CSRNP3: variants seen among roughly 807,000 people sequenced by gnomAD.
CSRNP3 encodes the protein cysteine and serine rich nuclear protein 3, also known as cysteine/serine-rich nuclear protein 3.
In CSRNP3, 12 loss-of-function variants were observed where a neutral mutation model predicts 48.0. The ratio of observed to expected loss-of-function variants is 0.25; its 90% CI spans 0.16 to 0.41. The LOEUF (loss-of-function observed/expected upper bound fraction) is 0.41, where lower values mean the gene tolerates loss of function less well. Ranked by LOEUF, CSRNP3 falls within the 10% of genes least tolerant of loss-of-function variation. The pLI, the probability that CSRNP3 is intolerant of heterozygous loss-of-function variation, is 1.00. For missense variants in CSRNP3, 580 were observed against 724.4 expected (o/e 0.80, Z 2.29); for synonymous variants, 263 against 269.7 (o/e 0.98, Z 0.24).
chr2:165,667,793 C>T (rs945231842), intron 5 of CSRNP3, among the ~76,000 whole-genome samples: 2 of 152,186 alleles, frequency 1.3e-5, no homozygotes, highest in Non-Finnish European at 1.5e-5. Context: ...CACCCCACCA[C>T]TTCAATAACT....
intron 3 of CSRNP3, among the ~76,000 whole-genome samples, chr2:165,541,926 T>C (rs971703708): frequency 2.0e-5 from 3 of 152,122 alleles, no homozygotes; most frequent in Non-Finnish European, 4.4e-5. Flanking sequence ...TAAGATCACA[T>C]AGGTAGAGAC....
rs994388661 is a variant in CSRNP3, at chr2:165,685,186, C to T, written c.*5433C>T. The T allele has an allele frequency of 3.9e-5, 6 of 151,978 alleles. No homozygotes were observed. Among genetic ancestry groups the T allele is most frequent in the African/African-American group, 1.4e-4 (6 of 41,392 alleles). The allele number at this position is 151,978 out of a possible 1,614,324, so 9.4% of individuals were successfully genotyped here. ...AAAAAGCTCTTCTTTCACATTTTACCTACCAAATCTAGATATTCAACGTGA... is the reference window on the plus strand; with the variant it reads ...AAAAAGCTCTTCTTTCACATTTTACTTACCAAATCTAGATATTCAACGTGA... On this transcript the variant is annotated 3_prime_UTR_variant, in exon 7 of 7. Coordinates refer to ENST00000651982, the MANE Select transcript of CSRNP3 (RefSeq NM_001172173.2).
intron 5 of CSRNP3, among the ~76,000 whole-genome samples, chr2:165,659,431 G>T (rs952348916): frequency 2.6e-5 from 4 of 152,168 alleles, no homozygotes; most frequent in African/African-American, 9.7e-5. Flanking sequence ...ATACTGTTTT[G>T]CTATGACAAG....
chr2:165,532,598 A>G (rs1684828636), intron 3 of CSRNP3, among the ~76,000 whole-genome samples: 1 of 151,432 alleles, frequency 6.6e-6, no homozygotes, highest in Non-Finnish European at 1.5e-5. Context: ...CCCACAGCCA[A>G]TATCATACTG....
At position 165,684,847 on chromosome 2, in the gene CSRNP3, A is replaced by G. The variant is rs1687604974; in HGVS notation, c.*5094A>G. The G allele has an allele frequency of 6.6e-6, 1 of 152,054 alleles. No homozygotes were observed. The highest frequency in any genetic ancestry group is 1.9e-4 in the East Asian group (1 of 5,194). The allele number at this position is 152,054 out of a possible 1,614,324, so 9.4% of individuals were successfully genotyped here. On this transcript the variant is annotated 3_prime_UTR_variant, in exon 7 of 7. Transcript: ENST00000651982. The stretch of plus-strand genomic sequence containing the variant: ...TGGTGTCTTCTAGGAATTATGAAAA[A>G]AAAAGCTCAGCAGAGCTAAGCCAGA...
At chr2:165,514,476 C>A (rs920839588) in intron 2 of CSRNP3, among the ~76,000 whole-genome samples, 1 of 152,254 alleles carries the variant, frequency 6.6e-6, no homozygotes, top group African/African-American at 2.4e-5. Context: ...AGGGTGAGCG[C>A]TGTAGATCTT....
At chr2:165,491,942 A>C (rs923156161) in intron 1 of CSRNP3, among the ~76,000 whole-genome samples, 1 of 139,354 alleles carries the variant, frequency 7.2e-6, no homozygotes, top group African/African-American at 2.6e-5. Context: ...CTAAAACTTA[A>C]AGTATAATAA....
chr2:165,531,203 T>C lies in CSRNP3; in HGVS notation c.-24+13242T>C, dbSNP rs535248526. Among the ~76,000 whole-genome samples, 526 of 152,302 alleles carry C rather than the reference T, an allele frequency of 3.5e-3. 3 individuals carry two copies. Among genetic ancestry groups the C allele is most frequent in the Non-Finnish European group, 6.3e-3 (430 of 67,992 alleles). On this transcript the variant is annotated intron_variant, in intron 3 of 6. Transcript: ENST00000651982. ...ATAAATATTTATTTGACAGTAATTC[T>C]GAAATTCAGATAGAAGCCCTAAGGA...
chr2:165,566,070 T>G (rs1203940968), intron 3 of CSRNP3, among the ~76,000 whole-genome samples: 1 of 151,928 alleles, frequency 6.6e-6, no homozygotes, highest in East Asian at 1.9e-4. Flanking sequence ...TCTGTCAAAT[T>G]CATTCTTTTA....
chr2:165,619,185 A>C (rs1245139017), intron 4 of CSRNP3, among the ~76,000 whole-genome samples: 1 of 152,166 alleles, frequency 6.6e-6, no homozygotes, highest in Non-Finnish European at 1.5e-5. Flanking sequence ...TTCTTAGGTA[A>C]ATACTTTTAC....
At chr2:165,541,281 A>G (rs1351938975) in intron 3 of CSRNP3, among the ~76,000 whole-genome samples, 1 of 151,598 alleles carries the variant, frequency 6.6e-6, no homozygotes, top group Admixed American at 6.6e-5. Context: ...TGGATAATTC[A>G]CATATTGGAT....
intron 3 of CSRNP3, among the ~76,000 whole-genome samples, chr2:165,561,356 G>C (rs1685230952): frequency 1.3e-5 from 2 of 152,054 alleles, no homozygotes; most frequent in African/African-American, 4.8e-5. Context: ...ATATATTCAA[G>C]TTAGGACACA....
intron 4 of CSRNP3, among the ~76,000 whole-genome samples, chr2:165,627,545 C>T (rs1488597202): frequency 1.3e-5 from 2 of 152,138 alleles, no homozygotes; most frequent in East Asian, 1.9e-4. Context: ...TTTAAAAGAA[C>T]GCACTGATAC....
In CSRNP3 at chr2:165,681,020, G is replaced by A. The variant is rs559641852; in HGVS notation, c.*1267G>A. On this transcript the variant is annotated 3_prime_UTR_variant, in exon 7 of 7. Transcript: ENST00000651982. ...AAGCATTTTGATTTGTCTTGCCTGG[G>A]ACAACTAGCAGAACAGTCCAGAATG... 1 of 152,206 alleles carries A rather than the reference G, an allele frequency of 6.6e-6. No homozygotes were observed. Among genetic ancestry groups the A allele is most frequent in the East Asian group, 1.9e-4 (1 of 5,170 alleles). The allele number at this position is 152,206 out of a possible 1,614,324, so 9.4% of individuals were successfully genotyped here.
chr2:165,556,607 G>A (rs1394246477), intron 3 of CSRNP3, among the ~76,000 whole-genome samples: 1 of 152,114 alleles, frequency 6.6e-6, no homozygotes. Context: ...AGAAAACTAG[G>A]AGAATGTAAT....
chr2:165,553,643 GATAAA>G (rs1209641715), intron 3 of CSRNP3, among the ~76,000 whole-genome samples: 1 of 152,036 alleles, frequency 6.6e-6, no homozygotes, highest in Non-Finnish European at 1.5e-5. Flanking sequence ...CCATTTCACT[GATAAA>G]ATAAAAGCAG....
At chr2:165,642,542 T>A (rs1686739700) in intron 4 of CSRNP3, among the ~76,000 whole-genome samples, 1 of 151,936 alleles carries the variant, frequency 6.6e-6, no homozygotes. Context: ...CTGGGAAATC[T>A]AAAAATGATT....
chr2:165,477,600 C>T (rs1380718024), intron 1 of CSRNP3, among the ~76,000 whole-genome samples: 2 of 148,734 alleles, frequency 1.3e-5, no homozygotes, highest in East Asian at 2.0e-4. Context: ...ACCCGGGAGG[C>T]GGAGGTTACA....
At chr2:165,568,466 C>T (rs960900704) in intron 3 of CSRNP3, among the ~76,000 whole-genome samples, 2 of 152,036 alleles carry the variant, frequency 1.3e-5, no homozygotes, top group Non-Finnish European at 2.9e-5. Flanking sequence ...TGGGCTTTTC[C>T]CAAAGTACCA....
Sources: allele counts gnomAD v4.1 joint callset (sites outside exome capture counted in the v4.1 genomes callset), GRCh38; gene constraint gnomAD v4.1.1; transcripts MANE v1.5; gene names NCBI Gene and HGNC (gene_info 2026-07-23, HGNC 2026-07-21).